Variants in CCDC30 observed in about 807,000 individuals in gnomAD.
The protein encoded by CCDC30 is coiled-coil domain-containing protein 30.
A neutral mutation model predicts 100.2 loss-of-function variants in CCDC30; 70 were observed. The observed-to-expected ratio is 0.70, with a 90% CI of 0.58 to 0.85. The LOEUF is 0.85. Ranked by LOEUF, CCDC30 falls within the 40% of genes least tolerant of loss-of-function variation. The pLI is 0.00. For synonymous variants in CCDC30, 233 were observed against 269.5 expected, an observed-to-expected ratio of 0.86 and a Z score of 1.33; for missense variants, 652 against 771.2, an observed-to-expected ratio of 0.85 and a Z score of 1.83.
chr1:42,562,334 T>C (rs924177372), intron 6 of CCDC30, among the ~76,000 whole-genome samples: 2 of 152,048 alleles, frequency 1.3e-5, no homozygotes, highest in African/African-American at 4.8e-5. Flanking sequence ...TCGACAAACC[T>C]GACAAAAACA....
intron 1 of CCDC30, among the ~76,000 whole-genome samples, chr1:42,468,220 C>G (rs1354835697): frequency 6.6e-6 from 1 of 152,144 alleles, no homozygotes; most frequent in African/African-American, 2.4e-5. Context: ...ACATAAAAGT[C>G]AAAAATAAAA....
intron 11 of CCDC30, among the ~76,000 whole-genome samples, chr1:42,636,310 G>A (rs1400240087): frequency 6.6e-6 from 1 of 152,074 alleles, no homozygotes; most frequent in Non-Finnish European, 1.5e-5. Context: ...GGATGCTGGG[G>A]TGGGAGGATT....
At chr1:42,572,474 A>G (rs891019797) in intron 7 of CCDC30, among the ~76,000 whole-genome samples, 10 of 152,034 alleles carry the variant, frequency 6.6e-5, no homozygotes, top group Admixed American at 3.9e-4. Flanking sequence ...TTCTCCTTAT[A>G]TATCTTTTGA....
chr1:42,481,068 G>A (rs532574857), intron 2 of CCDC30, among the ~76,000 whole-genome samples: 19 of 151,226 alleles, frequency 1.3e-4, no homozygotes, highest in Admixed American at 2.0e-4. Flanking sequence ...CTATGGTTGC[G>A]CCACTGCACT....
At chr1:42,502,792 T>C (rs796422883) in intron 6 of CCDC30, among the ~76,000 whole-genome samples, 1 of 152,242 alleles carries the variant, frequency 6.6e-6, no homozygotes, top group Admixed American at 6.5e-5. Context: ...CCATACAATA[T>C]GTGGACATTT....
At chr1:42,647,047 C>G (rs189103838) in intron 15 of CCDC30, among the ~76,000 whole-genome samples, 3 of 152,106 alleles carry the variant, frequency 2.0e-5, no homozygotes, top group Admixed American at 1.3e-4. Context: ...TTGCAGTGAG[C>G]CAAGACTGAG....
At chr1:42,649,748 A>G (rs1648177574) in intron 15 of CCDC30, among the ~76,000 whole-genome samples, 1 of 137,526 alleles carries the variant, frequency 7.3e-6, no homozygotes, top group South Asian at 2.3e-4. Flanking sequence ...AGGATACAAA[A>G]TCAACACACC....
At chr1:42,488,437 A>G (rs1263893162) in intron 3 of CCDC30, among the ~76,000 whole-genome samples, 1 of 152,068 alleles carries the variant, frequency 6.6e-6, no homozygotes, top group Non-Finnish European at 1.5e-5. Flanking sequence ...CCTCAGTCTC[A>G]TGAGTAGCTA....
intron 6 of CCDC30, chr1:42,537,008 A>C (rs1557834124): frequency 2.8e-6 from 1 of 362,262 alleles, no homozygotes; most frequent in Admixed American, 3.8e-5. Flanking sequence ...AATACAGTCC[A>C]TATTGGGAAT....
At chr1:42,574,293 T>C (rs375282304) in intron 7 of CCDC30, among the ~76,000 whole-genome samples, 1 of 152,082 alleles carries the variant, frequency 6.6e-6, no homozygotes, top group Non-Finnish European at 1.5e-5. Flanking sequence ...TTAATAGTTA[T>C]GAGAAGTCAA....
chr1:42,522,980 C>A (rs989375949), intron 6 of CCDC30, among the ~76,000 whole-genome samples: 7 of 152,020 alleles, frequency 4.6e-5, no homozygotes, highest in African/African-American at 1.7e-4. Flanking sequence ...CAGGTGCACA[C>A]CACTACACCT....
intron 9 of CCDC30, among the ~76,000 whole-genome samples, chr1:42,589,117 G>A (rs1383109083): frequency 6.6e-6 from 1 of 151,958 alleles, no homozygotes; most frequent in Non-Finnish European, 1.5e-5. Context: ...TCCTCATAGG[G>A]TCATTTTGAT....
intron 1 of CCDC30, among the ~76,000 whole-genome samples, chr1:42,479,189 A>C (rs1181859490): frequency 1.3e-5 from 2 of 152,154 alleles, no homozygotes; most frequent in African/African-American, 4.8e-5. Flanking sequence ...TAGCCTGGCC[A>C]ACATGGTGAA....
chr1:42,512,263 T>A (rs1644489650), intron 6 of CCDC30, among the ~76,000 whole-genome samples: 2 of 152,342 alleles, frequency 1.3e-5, no homozygotes, highest in East Asian at 3.9e-4. Context: ...ATCATGAGCA[T>A]GTCACAGTGC....
chr1:42,614,899 T>A (rs1646695869), intron 11 of CCDC30, among the ~76,000 whole-genome samples: 1 of 152,168 alleles, frequency 6.6e-6, no homozygotes, highest in African/African-American at 2.4e-5. Context: ...AAGTAGCTAC[T>A]GTTCTGATTT....
intron 11 of CCDC30, among the ~76,000 whole-genome samples, chr1:42,621,497 T>TTTTATTTATTTATTTATTTATTTA (rs148757100): frequency 4.8e-5 from 7 of 145,192 alleles, no homozygotes; most frequent in Non-Finnish European, 9.1e-5. Flanking sequence ...GTTTATTTTA[T>TTTTATTTATTTATTTATTTATTTA]TTTATTTATT....
chr1:42,471,003 G>A (rs897576156), intron 1 of CCDC30, among the ~76,000 whole-genome samples: 2 of 152,312 alleles, frequency 1.3e-5, no homozygotes, highest in Middle Eastern at 3.4e-3. Context: ...AAGAAGCATA[G>A]AAGGTGTTAG....
intron 6 of CCDC30, 145 bp from the exon 9 acceptor site, chr1:42,545,265 A>T: frequency 1.8e-6 from 1 of 567,490 alleles, no homozygotes; most frequent in South Asian, 3.3e-5. Context: ...GTATTAAATT[A>T]AGTTGGAATC....
chr1:42,483,876 T>A (rs938856381), intron 3 of CCDC30, among the ~76,000 whole-genome samples: 1 of 152,142 alleles, frequency 6.6e-6, no homozygotes, highest in African/African-American at 2.4e-5. Context: ...TAAAGCCTTT[T>A]CTTCACTACA....
Sources: allele counts gnomAD v4.1 joint callset (sites outside exome capture counted in the v4.1 genomes callset), GRCh38; gene constraint gnomAD v4.1.1; transcripts MANE v1.5; gene names NCBI Gene and HGNC (gene_info 2026-07-23, HGNC 2026-07-21).